The following RSPH14 variants were observed in gnomAD, a reference collection of about 807,000 sequenced individuals.
The protein encoded by RSPH14 is radial spoke head 14 homolog, also known as rhabdoid tumor deletion region gene 1.
Under a neutral mutation model 26.7 loss-of-function variants are expected in RSPH14, and 20 were observed. The observed-to-expected ratio is 0.75, with a 90% CI of 0.53 to 1.09. The LOEUF is 1.09. RSPH14 is among the 50% of genes least tolerant of loss of function. The pLI is 0.00. For synonymous variants in RSPH14, 177 were observed against 189.3 expected (o/e 0.93, Z 0.53); for missense variants, 449 against 457.2 (o/e 0.98, Z 0.16).
rs537111028 is a variant in RSPH14 at position 23,137,116 on chromosome 22, G to A, written c.302+1724C>T. 1.0e-4 allele frequency among the ~76,000 whole-genome samples: 14 copies of A among 139,136 alleles called. 3 individuals are homozygous for A. Among genetic ancestry groups the A allele is most frequent in the South Asian group, 6.8e-4 (3 of 4,430 alleles). 91.3% of individuals were successfully genotyped at this position (139,136 alleles called of 152,430 possible). ...ACACAGGATCAGCCACCAAGGCAGC[G>A]AGAGCTTGGGGACTAGCAGGGCTGA... On this transcript the variant is annotated intron_variant, in intron 3 of 6. Transcript: ENST00000216036.
chr22:23,149,374 GAGGGTGGGTGGGGTACGTGC>G (rs2070975933), upstream of RSPH14, among the ~76,000 whole-genome samples: 1 of 152,318 alleles, frequency 6.6e-6, no homozygotes, highest in Admixed American at 6.5e-5. Flanking sequence ...CAGACCAGGT[GAGGGTGGGTGGGGTACGTGC>G]AGTTTTTTCT....
chr22:23,108,626 G>A (rs1320926967), intron 4 of RSPH14, among the ~76,000 whole-genome samples: 1 of 152,264 alleles, frequency 6.6e-6, no homozygotes, highest in Non-Finnish European at 1.5e-5. Flanking sequence ...AGATTGTCCA[G>A]GAGGTGCCCT....
At chr22:23,099,244 C>T (rs1222915294) in intron 4 of RSPH14, among the ~76,000 whole-genome samples, 1 of 152,276 alleles carries the variant, frequency 6.6e-6, no homozygotes, top group East Asian at 1.9e-4. Context: ...GAGTGCAGGG[C>T]AGCACCTCAG....
chr22:23,145,143 C>T (rs969249701), upstream of RSPH14: 1 of 587,798 alleles, frequency 1.7e-6, no homozygotes, highest in Non-Finnish European at 3.0e-6. Flanking sequence ...ATGCCATAAC[C>T]GCCCAACCTC....
chr22:23,170,907 C>T, the RSPH14 span, among the ~76,000 whole-genome samples: 1 of 151,860 alleles, frequency 6.6e-6, no homozygotes, highest in African/African-American at 2.4e-5. Context: ...CGTGCTGTGG[C>T]TATTCACAGG....
At chr22:23,152,622 T>C in the RSPH14 span, 2 of 1,213,624 alleles carry the variant, frequency 1.6e-6, no homozygotes, top group South Asian at 2.5e-5. Context: ...ATAGCAGAAA[T>C]CATGTGGCTT....
chr22:23,178,589 G>C, the RSPH14 span, among the ~76,000 whole-genome samples: 1 of 152,214 alleles, frequency 6.6e-6, no homozygotes, highest in East Asian at 1.9e-4. Flanking sequence ...GGGTCCAAGG[G>C]ACCAGGATGG....
At chr22:23,065,534 CAAAAA>C (rs10562943) in intron 4 of RSPH14, among the ~76,000 whole-genome samples, 1 of 45,158 alleles carries the variant, frequency 2.2e-5, no homozygotes, top group African/African-American at 8.7e-5. Flanking sequence ...GCACAGATTG[CAAAAA>C]AAAAAAAAAA....
the RSPH14 span, among the ~76,000 whole-genome samples, chr22:23,159,492 T>G: frequency 0.24 from 35,943 of 152,242 alleles, 4,634 homozygotes; most frequent in East Asian, 0.35. Context: ...GGGGGAATAG[T>G]GACCCCAACC....
chr22:23,138,835 C>G lies in RSPH14; in HGVS notation c.302+5G>C. 1 of 1,550,624 alleles carries G rather than the reference C, an allele frequency of 6.4e-7. No homozygotes were observed. Among genetic ancestry groups the G allele is most frequent in the Non-Finnish European group, 8.7e-7 (1 of 1,146,506 alleles). Reference sequence around the variant, plus strand: ...GTCACACTGGTTTCCAGAACAGCATCCCACCTGCCCACGCTATGGCTTGCC... The same window carrying G: ...GTCACACTGGTTTCCAGAACAGCATGCCACCTGCCCACGCTATGGCTTGCC... On this transcript the variant is annotated splice_donor_5th_base_variant and intron_variant, in intron 3 of 6. Transcript: ENST00000216036.
the RSPH14 span, among the ~76,000 whole-genome samples, chr22:23,151,812 C>A: frequency 6.6e-6 from 1 of 152,214 alleles, no homozygotes; most frequent in East Asian, 1.9e-4. Flanking sequence ...GAACAGTGAC[C>A]CACAGAGAGC....
chr22:23,138,761 C>A, intron 3 of RSPH14, 79 bp downstream of exon 3: 2 of 1,194,778 alleles, frequency 1.7e-6, no homozygotes, highest in South Asian at 1.3e-5. Context: ...CCAGAGCACT[C>A]TAAGCAGCTC....
chr22:23,113,668 C>T (rs2069725351), intron 4 of RSPH14, among the ~76,000 whole-genome samples: 2 of 152,250 alleles, frequency 1.3e-5, no homozygotes, highest in African/African-American at 4.8e-5. Flanking sequence ...ACAGGCCCCT[C>T]CACTCGGTAC....
the RSPH14 span, among the ~76,000 whole-genome samples, chr22:23,169,249 G>C: frequency 1.3e-5 from 2 of 152,346 alleles, no homozygotes; most frequent in Admixed American, 1.3e-4. Flanking sequence ...CACTCTGGCT[G>C]GGGGCAGGAA....
At chr22:23,122,996 T>C (rs1020003681) in intron 4 of RSPH14, 23 of 849,282 alleles carry the variant, frequency 2.7e-5, no homozygotes, top group Middle Eastern at 2.4e-4. Flanking sequence ...GCTGAGACCC[T>C]AGCAAAGGCT....
chr22:23,151,840 G>A, the RSPH14 span, among the ~76,000 whole-genome samples: 37 of 152,212 alleles, frequency 2.4e-4, no homozygotes, highest in African/African-American at 8.9e-4. Context: ...CCTCAGAGCC[G>A]ATTTGCCTCA....
At chr22:23,094,706 A>G (rs2069074749) in intron 4 of RSPH14, among the ~76,000 whole-genome samples, 1 of 152,222 alleles carries the variant, frequency 6.6e-6, no homozygotes, top group Non-Finnish European at 1.5e-5. Flanking sequence ...GGGCTGGCCC[A>G]TCAGAGTGCC....
the RSPH14 span, among the ~76,000 whole-genome samples, chr22:23,166,100 C>G: frequency 7.9e-6 from 1 of 126,564 alleles, no homozygotes; most frequent in African/African-American, 3.0e-5. Context: ...GAGCCGAGAT[C>G]TTGCCACTGC....
At chr22:23,144,689 T>TA (rs56369606), upstream of RSPH14, among the ~76,000 whole-genome samples, 11,077 of 136,766 alleles carry the variant, frequency 0.081, 495 homozygotes, top group African/African-American at 0.13. Context: ...TCCATCTCTT[T>TA]AAAAAAAAAA....
Sources: gnomAD v4.1 joint callset for allele counts (sites outside exome capture counted in the v4.1 genomes callset) on GRCh38, gnomAD v4.1.1 for gene constraint, MANE v1.5 for transcripts, NCBI Gene and HGNC (gene_info 2026-07-23, HGNC 2026-07-21) for gene names.